ABCA8: variants seen among roughly 807,000 people sequenced by gnomAD.
The protein encoded by ABCA8 is ABC-type organic anion transporter ABCA8.
ABCA8 carries 177 observed loss-of-function variants against 192.3 expected under a neutral mutation model. The observed-to-expected ratio is 0.92, with a 90% CI of 0.81 to 1.04. The LOEUF (loss-of-function observed/expected upper bound fraction) is 1.04. Ranked by LOEUF, ABCA8 falls within the 50% of genes least tolerant of loss-of-function variation. The pLI, the probability that ABCA8 is intolerant of heterozygous loss-of-function variation, is 0.00. For missense variants in ABCA8, 1,915 were observed against 1,904.8 expected (o/e 1.01, Z -0.10); for synonymous variants, 642 against 690.2 (o/e 0.93, Z 1.09).
chr17:68,908,290 T>C (rs2067140980), intron 17 of ABCA8, among the ~76,000 whole-genome samples: 1 of 152,204 alleles, frequency 6.6e-6, no homozygotes, highest in Non-Finnish European at 1.5e-5. Flanking sequence ...AATAGAATTG[T>C]TGTATCGCTT....
At chr17:68,939,816 T>C (rs1224983410) in intron 4 of ABCA8, among the ~76,000 whole-genome samples, 1 of 152,204 alleles carries the variant, frequency 6.6e-6, no homozygotes, top group East Asian at 1.9e-4. Context: ...AGTATTATTT[T>C]TTATAGATCA....
chr17:68,888,136 A>G (rs1165891774), intron 24 of ABCA8, among the ~76,000 whole-genome samples: 1 of 150,664 alleles, frequency 6.6e-6, no homozygotes, highest in Non-Finnish European at 1.5e-5. Flanking sequence ...TTTAATTGGA[A>G]TAAAAGAAAT....
chr17:68,939,251 T>G (rs1021349767), intron 4 of ABCA8, among the ~76,000 whole-genome samples: 7 of 152,132 alleles, frequency 4.6e-5, no homozygotes, highest in Non-Finnish European at 1.0e-4. Context: ...AAGTATGCAT[T>G]TATAGTTGTA....
chr17:68,905,368 A>T (rs1321819717), intron 19 of ABCA8, among the ~76,000 whole-genome samples: 1 of 152,232 alleles, frequency 6.6e-6, no homozygotes, highest in Non-Finnish European at 1.5e-5. Context: ...AAGTTTAAAA[A>T]TAACTATGAT....
In ABCA8 at chr17:68,918,079, G is replaced by A. The variant is rs76430844; in HGVS notation, c.2015C>T (p.Thr672Ile). The change falls in exon 16 of 40, where the codon ACC becomes ATC. Residue 672 changes from threonine (T) to isoleucine (I), a missense_variant. Transcript: ENST00000586539. ...GATGTCGGCCTCATCCATGAACTGG[G>A]TACTGAAGAGGATCACGCGGTCTGT... is the stretch of plus-strand genomic sequence containing the variant. ...RKTDRVILFSTQFMDEADILA... is the reference protein window; with the variant it reads ...RKTDRVILFSIQFMDEADILA... 1.9e-6 allele frequency: 3 copies of A among 1,614,030 alleles called. No individual in the cohort carries two copies. Among genetic ancestry groups the A allele is most frequent in the Non-Finnish European group, 2.5e-6 (3 of 1,180,036 alleles).
At chr17:68,909,258 T>C (rs971066718) in intron 17 of ABCA8, among the ~76,000 whole-genome samples, 2 of 152,146 alleles carry the variant, frequency 1.3e-5, no homozygotes, top group Non-Finnish European at 2.9e-5. Flanking sequence ...AGATAGTAAA[T>C]TTTCTAGGCT....
At chr17:68,917,256 AC>A in intron 17 of ABCA8, 104 bp downstream of exon 17, 1 of 716,274 alleles carries the variant, frequency 1.4e-6, no homozygotes, top group South Asian at 2.7e-5. Flanking sequence ...ACAAAACAAA[AC>A]AAAAAATAAC....
In ABCA8 at chr17:68,937,116, C is replaced by A; in HGVS notation, c.302-1G>T. ...TCTGGCAGTCCCAAGACCTCTTTAC[C>A]TTTTGTTACAAGAAGGAATATTATT... is the stretch of plus-strand genomic sequence containing the variant. On this transcript the variant is annotated splice_acceptor_variant, in intron 4 of 39. Coordinates refer to ENST00000586539, the MANE Select transcript of ABCA8 (RefSeq NM_001288985.2). LOFTEE classifies it high-confidence loss of function. The A allele has an allele frequency of 6.3e-7, 1 of 1,584,310 alleles. No homozygotes were observed. Among genetic ancestry groups the A allele is most frequent in the East Asian group, 2.3e-5 (1 of 42,992 alleles).
intron 24 of ABCA8, among the ~76,000 whole-genome samples, chr17:68,888,965 C>T (rs538704832): frequency 9.9e-5 from 15 of 152,170 alleles, no homozygotes; most frequent in African/African-American, 1.4e-4. Context: ...AAACAATGGA[C>T]AGTCTTAGGA....
chr17:68,919,340 AG>A lies in ABCA8; in HGVS notation c.1748del (p.Ala583ValfsTer3), dbSNP rs1567860771. The A allele has an allele frequency of 1.9e-6, 3 of 1,613,400 alleles. No homozygotes were observed. The highest frequency in any genetic ancestry group is 2.5e-6 in the Non-Finnish European group (3 of 1,179,682). ...LTVRENLRLF[A>X]KIKGILPQEV... Reference sequence around the variant, plus strand: ...CTTGTGGCAGAATCCCTTTTATTTTAGCAAAGAGTCTGAGGTTTTCTCTTAC... The same window carrying A: ...CTTGTGGCAGAATCCCTTTTATTTTACAAAGAGTCTGAGGTTTTCTCTTAC... On this transcript the variant is annotated frameshift_variant, in exon 14 of 40. Transcript: ENST00000586539. LOFTEE classifies it high-confidence loss of function.
Position 68,940,490 on chromosome 17 carries a change from T to C in ABCA8, c.301+268A>G, listed in dbSNP as rs2068194210. Among the ~76,000 whole-genome samples, 3 of 152,098 alleles carry C rather than the reference T, an allele frequency of 2.0e-5. No homozygotes were observed. In the South Asian group the frequency reaches 6.2e-4, roughly 31 times the overall value. ...CCAGTCTGTATAATTTCATGCTTCC[T>C]CAAATCCTATACCAGATCAACAAGT... On this transcript the variant is annotated intron_variant, in intron 4 of 39. Coordinates refer to ENST00000586539, the MANE Select transcript of ABCA8 (RefSeq NM_001288985.2).
At chr17:68,893,159 A>G (rs1275421584) in intron 23 of ABCA8, among the ~76,000 whole-genome samples, 1 of 152,210 alleles carries the variant, frequency 6.6e-6, no homozygotes, top group East Asian at 1.9e-4. Flanking sequence ...TTAACAATTA[A>G]GTTGTTTCAT....
chr17:68,929,028 G>A, intron 9 of ABCA8, 21 bp downstream of exon 9: 1 of 1,436,960 alleles, frequency 7.0e-7, no homozygotes, highest in Non-Finnish European at 9.2e-7. Flanking sequence ...GCCATTAATA[G>A]ACATTCAGAT....
rs761674018 is a variant in ABCA8, at chr17:68,882,683, T to C, written c.3744A>G (p.Pro1248=). Residue 1248 remains proline, a synonymous_variant, in exon 30 of 40, where the codon CCA becomes CCG. Coordinates refer to ENST00000586539, the MANE Select transcript of ABCA8 (RefSeq NM_001288985.2). ...CTTCATCCTCTCCTTCTGGTTCTTC[T>C]GGATTTTGACACACATCACTACTTC... is the stretch of plus-strand genomic sequence containing the variant. The part of the protein sequence containing the change: ...SPRSSDVCQN[P]EEPEGEDEDV... The C allele has an allele frequency of 1.9e-6, 3 of 1,612,994 alleles. No individual in the cohort carries two copies. Among genetic ancestry groups the C allele is most frequent in the Non-Finnish European group, 2.5e-6 (3 of 1,179,488 alleles).
At chr17:68,923,224 G>A in intron 11 of ABCA8, among the ~76,000 whole-genome samples, 1 of 149,088 alleles carries the variant, frequency 6.7e-6, no homozygotes, top group Admixed American at 6.7e-5. Context: ...TTTTGAGAGA[G>A]AGTCTTGCTC....
chr17:68,881,862 C>T lies in ABCA8; in HGVS notation c.3946+1G>A. 1.2e-6 allele frequency: 2 copies of T among 1,612,776 alleles called. No individual in the cohort carries two copies. Among genetic ancestry groups the T allele is most frequent in the Non-Finnish European group, 1.7e-6 (2 of 1,178,826 alleles). On this transcript the variant is annotated splice_donor_variant, in intron 31 of 39. Transcript: ENST00000586539. LOFTEE classifies it high-confidence loss of function. ...AGAAGTGGAAGATCCCTATGGCCAACCTTTTCTAACACAGAAGGAGACATT... is the reference window on the plus strand; with the variant it reads ...AGAAGTGGAAGATCCCTATGGCCAATCTTTTCTAACACAGAAGGAGACATT...
Position 68,941,967 on chromosome 17 carries a change from T to C in ABCA8, c.68A>G (p.Lys23Arg). The C allele has an allele frequency of 6.2e-7, 1 of 1,612,722 alleles. No individual in the cohort carries two copies. Among genetic ancestry groups the C allele is most frequent in the Non-Finnish European group, 8.5e-7 (1 of 1,178,918 alleles). ...TAAGGACTCTCTTTTCATTCTCCAT[T>C]TTTTAAGAAAGTTCTTGCATAATAA... Reference protein sequence around the residue: ...WALLCKNFLKKWRMKRESLME... With the variant: ...WALLCKNFLKRWRMKRESLME... Residue 23 changes from lysine (K) to arginine (R), a missense_variant, in exon 3 of 40, where the codon AAA (lysine) becomes AGA (arginine). By Grantham distance (26) the Lys-to-Arg change is conservative. Transcript: ENST00000586539.
At position 68,907,898 on chromosome 17, in the gene ABCA8, A is replaced by G. The variant is rs564520518; in HGVS notation, c.2139-19T>C. The G allele has an allele frequency of 6.1e-3, 9,509 of 1,568,286 alleles. 458 individuals are homozygous for G. In the African/African-American group the frequency reaches 0.11, roughly 17 times the overall value. ...CTGCAAGCTGGCATTCAGAAAAAAA[A>G]AAAAAGACATATGTTACTCGACATA... On this transcript the variant is annotated intron_variant, in intron 17 of 39. Transcript: ENST00000586539.
chr17:68,888,646 CATTTAAGT>C (rs1458016679), intron 24 of ABCA8, among the ~76,000 whole-genome samples: 1 of 152,156 alleles, frequency 6.6e-6, no homozygotes, highest in Admixed American at 6.5e-5. Flanking sequence ...GGGGGGAAGA[CATTTAAGT>C]ATCTCTACAT....
Sources: gnomAD v4.1 joint callset for allele counts (sites outside exome capture counted in the v4.1 genomes callset) on GRCh38, gnomAD v4.1.1 for gene constraint, MANE v1.5 for transcripts, NCBI Gene and HGNC (gene_info 2026-07-23, HGNC 2026-07-21) for gene names.